The following CDYL2 variants were observed in gnomAD, a reference collection of about 807,000 sequenced individuals.
CDYL2 encodes chromodomain Y like 2.
Under a neutral mutation model 49.4 loss-of-function variants are expected in CDYL2, and 23 were observed. The observed-to-expected ratio is 0.47, with a 90% CI of 0.34 to 0.66. The LOEUF is 0.66. Among genes scored for constraint, CDYL2 ranks in the 30% least tolerant of loss-of-function variants. The probability of loss-of-function intolerance (pLI) is 0.01; values close to 1 mark genes in which losing one functional copy is unlikely to be tolerated. For synonymous variants in CDYL2, 360 were observed against 268.8 expected, an observed-to-expected ratio of 1.34 and a Z score of -3.32; for missense variants, 678 against 656.4, an observed-to-expected ratio of 1.03 and a Z score of -0.36.
At chr16:80,693,869 T>C (rs1297147370) in intron 1 of CDYL2, among the ~76,000 whole-genome samples, 1 of 152,258 alleles carries the variant, frequency 6.6e-6, no homozygotes, top group South Asian at 2.1e-4. Flanking sequence ...GCTCCCAGGA[T>C]GGAATGCATC....
chr16:80,783,142 T>C (rs1048950397), intron 1 of CDYL2, among the ~76,000 whole-genome samples: 4 of 152,164 alleles, frequency 2.6e-5, no homozygotes, highest in Admixed American at 6.6e-5. Flanking sequence ...TTTCAAATCA[T>C]GTATCTGAAA....
chr16:80,703,160 GGA>G (rs1426628456), intron 1 of CDYL2, among the ~76,000 whole-genome samples: 1 of 152,136 alleles, frequency 6.6e-6, no homozygotes, highest in African/African-American at 2.4e-5. Context: ...AAAGAGAGGT[GGA>G]GATGTTAACA....
intron 1 of CDYL2, among the ~76,000 whole-genome samples, chr16:80,799,035 A>G (rs1907849029): frequency 6.6e-6 from 1 of 151,916 alleles, no homozygotes; most frequent in South Asian, 2.1e-4. Context: ...ATATATAGAT[A>G]TATAGATATT....
At chr16:80,666,621 C>T (rs536256764) in intron 2 of CDYL2, among the ~76,000 whole-genome samples, 3 of 152,294 alleles carry the variant, frequency 2.0e-5, no homozygotes, top group African/African-American at 7.2e-5. Flanking sequence ...GGAATCCTGT[C>T]GTTGCTGTGA....
At chr16:80,642,112 G>A (rs1292661950) in intron 2 of CDYL2, among the ~76,000 whole-genome samples, 1 of 152,110 alleles carries the variant, frequency 6.6e-6, no homozygotes, top group African/African-American at 2.4e-5. Flanking sequence ...AATAGAAACA[G>A]AAGTTGAAAA....
At chr16:80,697,322 A>G (rs1904280341) in intron 1 of CDYL2, among the ~76,000 whole-genome samples, 2 of 152,198 alleles carry the variant, frequency 1.3e-5, no homozygotes, top group Admixed American at 6.5e-5. Flanking sequence ...GACAAAAACC[A>G]TAAAATCATC....
chr16:80,718,472 C>A (rs900880072), intron 1 of CDYL2, among the ~76,000 whole-genome samples: 4 of 152,154 alleles, frequency 2.6e-5, no homozygotes, highest in African/African-American at 9.7e-5. Context: ...AAAGTGCTCA[C>A]CCTAAGAGCC....
chr16:80,751,023 A>T (rs1906118714), intron 1 of CDYL2, among the ~76,000 whole-genome samples: 1 of 151,914 alleles, frequency 6.6e-6, no homozygotes, highest in South Asian at 2.1e-4. Flanking sequence ...CCATCTTAAA[A>T]AAAAAAGTTA....
At chr16:80,718,993 G>C (rs561770256) in intron 1 of CDYL2, among the ~76,000 whole-genome samples, 16 of 152,254 alleles carry the variant, frequency 1.1e-4, no homozygotes, top group African/African-American at 3.6e-4. Context: ...TCAGAACTAG[G>C]GCATGAATAC....
intron 2 of CDYL2, among the ~76,000 whole-genome samples, chr16:80,656,015 G>T (rs568925888): frequency 2.6e-5 from 4 of 152,172 alleles, no homozygotes; most frequent in Non-Finnish European, 4.4e-5. Flanking sequence ...TTTGCTAATG[G>T]GAGAAGCAAG....
chr16:80,682,638 G>A (rs538409578), intron 2 of CDYL2, among the ~76,000 whole-genome samples: 17 of 152,308 alleles, frequency 1.1e-4, no homozygotes, highest in Admixed American at 2.0e-4. Flanking sequence ...CATATGAGCA[G>A]GGCAGGGAGC....
intron 2 of CDYL2, among the ~76,000 whole-genome samples, chr16:80,650,951 C>G (rs923007603): frequency 1.6e-5 from 2 of 123,300 alleles, no homozygotes; most frequent in Non-Finnish European, 3.1e-5. Context: ...CAGAAGAGGA[C>G]AGTTACCAGG....
chr16:80,744,004 C>T (rs1052890572), intron 1 of CDYL2, among the ~76,000 whole-genome samples: 6 of 152,082 alleles, frequency 3.9e-5, no homozygotes, highest in African/African-American at 1.4e-4. Flanking sequence ...TGGAGTGAGT[C>T]ATATAGACAC....
chr16:80,730,218 GA>G (rs1190593946), intron 1 of CDYL2, among the ~76,000 whole-genome samples: 1 of 151,494 alleles, frequency 6.6e-6, no homozygotes, highest in East Asian at 1.9e-4. Context: ...GACTAATAAA[GA>G]AAAAAAGAGA....
intron 2 of CDYL2, among the ~76,000 whole-genome samples, chr16:80,652,721 C>A (rs1308308120): frequency 2.0e-5 from 3 of 152,154 alleles, no homozygotes; most frequent in African/African-American, 7.2e-5. Context: ...GAACTATAGA[C>A]CTGATAGGAT....
chr16:80,682,579 C>T (rs1047111004), intron 2 of CDYL2, among the ~76,000 whole-genome samples: 3 of 152,186 alleles, frequency 2.0e-5, no homozygotes, highest in Non-Finnish European at 4.4e-5. Context: ...AGACTGTCAG[C>T]TACAGTCAGC....
At position 80,603,713 on chromosome 16, in the gene CDYL2, T is replaced by C. The variant is rs1333619697; in HGVS notation, c.*675A>G. 1 of 152,664 alleles carries C rather than the reference T, an allele frequency of 6.6e-6. No individual in the cohort carries two copies. The highest frequency in any genetic ancestry group is 1.5e-5 in the Non-Finnish European group (1 of 68,036). The allele number at this position is 152,664 out of a possible 1,614,324, so 9.5% of individuals were successfully genotyped here. The stretch of plus-strand genomic sequence containing the variant: ...AAAGAAAAAACATTTCCCTAGTAGT[T>C]TGTTTTTGCAAAACTAGCTTTACAT... On this transcript the variant is annotated 3_prime_UTR_variant, in exon 7 of 7. Coordinates refer to ENST00000570137, the MANE Select transcript of CDYL2 (RefSeq NM_152342.4).
intron 2 of CDYL2, among the ~76,000 whole-genome samples, chr16:80,635,117 C>G (rs72806108): frequency 0.14 from 21,429 of 152,068 alleles, 1,875 homozygotes; most frequent in Middle Eastern, 0.21. Flanking sequence ...GGGAATTATA[C>G]GCCACAATCA....
At chr16:80,790,264 T>C (rs1209207274) in intron 1 of CDYL2, among the ~76,000 whole-genome samples, 1 of 152,128 alleles carries the variant, frequency 6.6e-6, no homozygotes, top group African/African-American at 2.4e-5. Context: ...ACCATAGACG[T>C]GGCTACACAA....
Sources: gnomAD v4.1 joint callset for allele counts (sites outside exome capture counted in the v4.1 genomes callset) on GRCh38, gnomAD v4.1.1 for gene constraint, MANE v1.5 for transcripts, NCBI Gene and HGNC (gene_info 2026-07-23, HGNC 2026-07-21) for gene names.